Variants in MLLT3 observed in about 807,000 individuals in gnomAD.
MLLT3 encodes MLLT3 super elongation complex subunit.
A neutral mutation model predicts 53.2 loss-of-function variants in MLLT3; 4 were observed. That is an observed-to-expected ratio of 0.08 (90% CI 0.04 to 0.17). The LOEUF (loss-of-function observed/expected upper bound fraction) is 0.17. Among genes scored for constraint, MLLT3 ranks in the 10% least tolerant of loss-of-function variants. MLLT3 has a pLI of 1.00. For missense variants in MLLT3, 569 were observed against 684.0 expected, an observed-to-expected ratio of 0.83 and a Z score of 1.87; for synonymous variants, 283 against 230.6, an observed-to-expected ratio of 1.23 and a Z score of -2.06.
At chr9:20,589,002 T>G (rs940179993) in intron 2 of MLLT3, among the ~76,000 whole-genome samples, 2 of 151,144 alleles carry the variant, frequency 1.3e-5, no homozygotes, top group African/African-American at 4.9e-5. Flanking sequence ...GTAAACTAGT[T>G]CAACCATTGT....
chr9:20,518,524 A>C (rs1817973839), intron 2 of MLLT3, among the ~76,000 whole-genome samples: 1 of 152,256 alleles, frequency 6.6e-6, no homozygotes, highest in African/African-American at 2.4e-5. Context: ...TTTTAAGCAC[A>C]AACAAGATAT....
chr9:20,352,539 T>C (rs906891858), intron 10 of MLLT3, among the ~76,000 whole-genome samples: 2 of 152,164 alleles, frequency 1.3e-5, no homozygotes, highest in African/African-American at 4.8e-5. Flanking sequence ...ATGCAACTTA[T>C]CTGCAATTAA....
chr9:20,500,876 G>GTC (rs1825205753), intron 2 of MLLT3, among the ~76,000 whole-genome samples: 1 of 152,154 alleles, frequency 6.6e-6, no homozygotes, highest in African/African-American at 2.4e-5. Flanking sequence ...CCAGTTCAAT[G>GTC]TCTTCTTTAA....
intron 5 of MLLT3, among the ~76,000 whole-genome samples, chr9:20,388,977 G>T (rs1822114786): frequency 6.6e-6 from 1 of 152,156 alleles, no homozygotes. Context: ...GTCAGAAACT[G>T]CAAATGCTGC....
At chr9:20,611,155 C>T (rs374519009) in intron 2 of MLLT3, among the ~76,000 whole-genome samples, 2 of 152,040 alleles carry the variant, frequency 1.3e-5, no homozygotes, top group East Asian at 1.9e-4. Flanking sequence ...GGTTTTTAAA[C>T]ACCCAAAGTG....
At chr9:20,353,011 C>T (rs1821073389) in intron 10 of MLLT3, among the ~76,000 whole-genome samples, 2 of 152,086 alleles carry the variant, frequency 1.3e-5, no homozygotes, top group South Asian at 4.1e-4. Flanking sequence ...AAGTATTCCA[C>T]TACAAGTATT....
chr9:20,402,243 C>T (rs1211409122), intron 5 of MLLT3, among the ~76,000 whole-genome samples: 1 of 152,110 alleles, frequency 6.6e-6, no homozygotes, highest in Non-Finnish European at 1.5e-5. Context: ...TGAACTTTTC[C>T]AGCGGTAGTT....
At position 20,589,018 on chromosome 9, in the gene MLLT3, A is replaced by T. The variant is rs373401257; in HGVS notation, c.193+31636T>A. On this transcript the variant is annotated intron_variant, in intron 2 of 10. Coordinates refer to ENST00000380338, the MANE Select transcript of MLLT3 (RefSeq NM_004529.4). Reference sequence around the variant, plus strand: ...TAAACTAGTTCAACCATTGTGGAAGACAGTGTGGCGATTCCTCAGGGATCT... The same window carrying T: ...TAAACTAGTTCAACCATTGTGGAAGTCAGTGTGGCGATTCCTCAGGGATCT... Among the ~76,000 whole-genome samples, 1,005 of 150,592 alleles carry T rather than the reference A, an allele frequency of 6.7e-3. 5 individuals are homozygous for T. The highest frequency in any genetic ancestry group is 0.01 in the Non-Finnish European group (702 of 67,542).
At chr9:20,447,767 C>G (rs778064479) in intron 4 of MLLT3, among the ~76,000 whole-genome samples, 2 of 152,132 alleles carry the variant, frequency 1.3e-5, no homozygotes, top group Non-Finnish European at 2.9e-5. Context: ...TGACTTGCAA[C>G]TTAACCCAAA....
At chr9:20,588,083 A>T (rs1369135749) in intron 2 of MLLT3, among the ~76,000 whole-genome samples, 2 of 151,922 alleles carry the variant, frequency 1.3e-5, no homozygotes, top group African/African-American at 2.4e-5. Flanking sequence ...TCCCAGCACC[A>T]TTTATTAAAT....
Position 20,363,471 on chromosome 9 carries a change from C to T in MLLT3, c.1331+5G>A. ...AGGCAACCCCTTTCCTTCCAAGATA[C>T]TCACCTGCGACTTCGGCTGCCTCCT... On this transcript the variant is annotated splice_donor_5th_base_variant and intron_variant, in intron 7 of 10. Transcript: ENST00000380338. 1.2e-6 allele frequency: 2 copies of T among 1,612,712 alleles called. No individual in the cohort carries two copies. The highest frequency in any genetic ancestry group is 1.7e-6 in the Non-Finnish European group (2 of 1,179,324).
chr9:20,477,731 G>C (rs1824561963), intron 2 of MLLT3, among the ~76,000 whole-genome samples: 1 of 152,068 alleles, frequency 6.6e-6, no homozygotes, highest in Admixed American at 6.6e-5. Context: ...ATACTCCAGG[G>C]AGATACAGAG....
Position 20,488,034 on chromosome 9 carries a change from C to T in MLLT3, c.194-31248G>A, listed in dbSNP as rs143071302. Among the ~76,000 whole-genome samples, 127 of 152,158 alleles carry T rather than the reference C, an allele frequency of 8.3e-4. 1 individual carries two copies. The highest frequency in any genetic ancestry group is 2.8e-3 in the African/African-American group (115 of 41,524). On this transcript the variant is annotated intron_variant, in intron 2 of 10. Transcript: ENST00000380338. ...TACACAAGGCAGGTAAGGTTACTTA[C>T]CTTTTTATTGTGCCTTAGGTGCAAT... is the stretch of plus-strand genomic sequence containing the variant.
chr9:20,365,568 T>C (rs1821429283), intron 6 of MLLT3, 101 bp downstream of exon 6: 1 of 1,323,738 alleles, frequency 7.6e-7, no homozygotes, highest in Admixed American at 1.8e-5. Context: ...TAGGATGGTC[T>C]TGATCTCCTG....
intron 8 of MLLT3, among the ~76,000 whole-genome samples, chr9:20,357,829 A>T (rs1240131554): frequency 6.6e-6 from 1 of 152,218 alleles, no homozygotes; most frequent in Admixed American, 6.5e-5. Context: ...AGAACAGGCA[A>T]GGAGTATGGA....
intron 6 of MLLT3, among the ~76,000 whole-genome samples, chr9:20,365,463 G>T (rs560475649): frequency 6.6e-6 from 1 of 152,048 alleles, no homozygotes; most frequent in African/African-American, 2.4e-5. Context: ...TCAGCCCCCC[G>T]AGCAGCTGGG....
intron 2 of MLLT3, among the ~76,000 whole-genome samples, chr9:20,517,882 T>C (rs1487163648): frequency 2.0e-5 from 3 of 150,386 alleles, no homozygotes; most frequent in African/African-American, 2.4e-5. Context: ...TAAAACAAAA[T>C]AGAGAAGCAG....
Position 20,563,433 on chromosome 9 carries a change from A to T in MLLT3, c.193+57221T>A, listed in dbSNP as rs1587072652. ...ATATTTGACAAATAATAATTGAAAC[A>T]GCCTTTTCCTTTTCTTTTTGTTGAC... On this transcript the variant is annotated intron_variant, in intron 2 of 10. Transcript: ENST00000380338. Among the ~76,000 whole-genome samples, 3 of 152,242 alleles carry T rather than the reference A, an allele frequency of 2.0e-5. No individual in the cohort carries two copies. In the East Asian group the frequency reaches 5.8e-4, roughly 29 times the overall value.
chr9:20,408,886 T>C (rs1474835821), intron 5 of MLLT3, among the ~76,000 whole-genome samples: 3 of 152,154 alleles, frequency 2.0e-5, no homozygotes, highest in Non-Finnish European at 2.9e-5. Context: ...TTTTTCCTTC[T>C]TTCTTTTTGA....
Sources: gnomAD v4.1 joint callset for allele counts (sites outside exome capture counted in the v4.1 genomes callset) on GRCh38, gnomAD v4.1.1 for gene constraint, MANE v1.5 for transcripts, NCBI Gene and HGNC (gene_info 2026-07-23, HGNC 2026-07-21) for gene names.